PASD1: variants seen among roughly 807,000 people sequenced by gnomAD.
PASD1 encodes the protein PAS domain containing repressor 1, also known as circadian clock protein PASD1.
PASD1 carries 13 observed loss-of-function variants against 58.8 expected under a neutral mutation model. The ratio of observed to expected loss-of-function variants is 0.22; its 90% CI spans 0.14 to 0.35. The LOEUF (loss-of-function observed/expected upper bound fraction) is 0.35, where lower values mean the gene tolerates loss of function less well. Among genes scored for constraint, PASD1 ranks in the 10% least tolerant of loss-of-function variants. The pLI is 1.00. For missense variants in PASD1, 734 were observed against 568.3 expected (o/e 1.29, Z -2.96); for synonymous variants, 236 against 216.7 (o/e 1.09, Z -0.78).
chrX:151,644,914 G>C (rs2014041546), intron 8 of PASD1, among the ~76,000 whole-genome samples: 1 of 110,831 alleles, frequency 9.0e-6, no homozygotes, highest in Non-Finnish European at 1.9e-5. Context: ...AAGAGAGGCT[G>C]TTTCAGGCTT....
chrX:151,649,257 C>A (rs955794695), intron 9 of PASD1, among the ~76,000 whole-genome samples: 2 of 111,757 alleles, frequency 1.8e-5, no homozygotes, highest in African/African-American at 6.5e-5. Flanking sequence ...GCATTTCCCA[C>A]GTTAAAAAGT....
chrX:151,653,336 C>T (rs1368474198), intron 9 of PASD1, among the ~76,000 whole-genome samples: 5 of 109,176 alleles, frequency 4.6e-5, no homozygotes, highest in Admixed American at 9.8e-5. Flanking sequence ...GGATTACAGG[C>T]GCATGCCACC....
At chrX:151,577,501 G>A (rs1031308476) in intron 1 of PASD1, among the ~76,000 whole-genome samples, 7 of 111,835 alleles carry the variant, frequency 6.3e-5, no homozygotes, top group African/African-American at 2.3e-4. Flanking sequence ...CAATTGTTTT[G>A]TAAAAGAAAG....
intron 8 of PASD1, among the ~76,000 whole-genome samples, chrX:151,627,774 T>C (rs1396957044): frequency 8.9e-6 from 1 of 111,892 alleles, no homozygotes; most frequent in African/African-American, 3.3e-5. Context: ...CTTGAGGAAT[T>C]GCCACACTGT....
chrX:151,662,735 A>G (rs893563956), intron 10 of PASD1, among the ~76,000 whole-genome samples: 2 of 112,257 alleles, frequency 1.8e-5, no homozygotes, highest in African/African-American at 6.5e-5. Context: ...TGTATCTCTG[A>G]CAGTGAGAAA....
intron 14 of PASD1, 120 bp from the exon 15 acceptor site, chrX:151,673,808 A>T (rs1290817695): frequency 6.3e-5 from 54 of 853,829 alleles, no homozygotes; most frequent in Non-Finnish European, 8.9e-5. Context: ...AAACAAGTGA[A>T]TCCTGTGGTG....
At chrX:151,603,208 A>G (rs1186816573) in intron 2 of PASD1, among the ~76,000 whole-genome samples, 2 of 112,611 alleles carry the variant, frequency 1.8e-5, no homozygotes, top group Admixed American at 1.9e-4. Context: ...AAAGCAGAAT[A>G]TGACCCATAG....
intron 8 of PASD1, among the ~76,000 whole-genome samples, chrX:151,629,863 G>C (rs2013845148): frequency 8.9e-6 from 1 of 111,868 alleles, no homozygotes; most frequent in South Asian, 3.7e-4. Flanking sequence ...TTCAGATAGT[G>C]AGAGTTTAGA....
At chrX:151,622,603 A>ACACAC (rs766245387) in intron 6 of PASD1, among the ~76,000 whole-genome samples, 159 of 109,827 alleles carry the variant, frequency 1.4e-3, no homozygotes, top group Non-Finnish European at 2.4e-3. Context: ...ACACACACAC[A>ACACAC]CACACACACA....
intron 11 of PASD1, among the ~76,000 whole-genome samples, chrX:151,666,476 T>C (rs1409443391): frequency 9.1e-6 from 1 of 109,302 alleles, no homozygotes; most frequent in African/African-American, 3.4e-5. Flanking sequence ...GTTGGTGTGC[T>C]GCACCTATTA....
chrX:151,601,567 G>A lies in PASD1; in HGVS notation c.14G>A (p.Gly5Glu), dbSNP rs748930680. The A allele has an allele frequency of 8.3e-7, 1 of 1,209,099 alleles. No homozygotes were observed. Among genetic ancestry groups the A allele is most frequent in the African/African-American group, 1.7e-5 (1 of 57,211 alleles). ...ACTGAATAATGAATGAAGATGAGAG[G>A]GGAAAAGAGAAGAGGTATGCATTCA... is the stretch of plus-strand genomic sequence containing the variant. MKMRGEKRRDKVNPK... is the reference protein window; with the variant it reads MKMREEKRRDKVNPK... The change falls in exon 2 of 16, where the codon GGG becomes GAG. Residue 5 changes from glycine to glutamate, a missense_variant. By Grantham distance (98) the Gly-to-Glu change is moderately conservative. Coordinates refer to ENST00000370357, the MANE Select transcript of PASD1 (RefSeq NM_173493.3).
chrX:151,673,351 T>C (rs2014502834), intron 14 of PASD1: 1 of 117,140 alleles, frequency 8.5e-6, no homozygotes, highest in Non-Finnish European at 1.8e-5. Flanking sequence ...GAGACGGGCC[T>C]CCTAAAGCTC....
chrX:151,652,532 C>CA (rs68106404), intron 9 of PASD1, among the ~76,000 whole-genome samples: 8 of 69,154 alleles, frequency 1.2e-4, no homozygotes, highest in Admixed American at 1.6e-4. Flanking sequence ...GACTCCGTCT[C>CA]AAAAAAAAAA....
chrX:151,623,143 C>T, intron 7 of PASD1, 79 bp downstream of exon 7: 1 of 1,087,894 alleles, frequency 9.2e-7, no homozygotes, highest in Non-Finnish European at 1.2e-6. Flanking sequence ...TTTGGTCTGT[C>T]AGCCACTGGA....
At chrX:151,606,152 G>T (rs1019403449) in intron 3 of PASD1, among the ~76,000 whole-genome samples, 1 of 107,160 alleles carries the variant, frequency 9.3e-6, no homozygotes, top group African/African-American at 3.4e-5. Flanking sequence ...CCTCCATTAG[G>T]CTTTAATAAC....
At chrX:151,671,368 A>T (rs762572724) in intron 12 of PASD1, among the ~76,000 whole-genome samples, 172 bp downstream of exon 12, 161 of 112,038 alleles carry the variant, frequency 1.4e-3, no homozygotes, top group African/African-American at 5.0e-3. Flanking sequence ...TCCAGCAGGG[A>T]CTTAGAGTTT....
At chrX:151,639,815 T>G (rs945459064) in intron 8 of PASD1, among the ~76,000 whole-genome samples, 4 of 111,913 alleles carry the variant, frequency 3.6e-5, no homozygotes, top group African/African-American at 1.3e-4. Context: ...CATTTTCTGA[T>G]TTCTAGAATA....
In PASD1 at chrX:151,600,270, G is replaced by GGA. The variant is rs200248021; in HGVS notation, c.-27-1253_-27-1252dup. Among the ~76,000 whole-genome samples the GGA allele has an allele frequency of 5.8e-3, 627 of 108,347 alleles. 3 individuals are homozygous for GGA. The highest frequency in any genetic ancestry group is 0.02 in the African/African-American group (588 of 29,648). 94.1% of individuals were successfully genotyped at this position (108,347 alleles called of 115,157 possible). On this transcript the variant is annotated intron_variant, in intron 1 of 15. Coordinates refer to ENST00000370357, the MANE Select transcript of PASD1 (RefSeq NM_173493.3). ...GAGACCGTGCAAAGAGAGAGACGAGGGAGAGGGAGAGGGAGACCGTGCAAA... is the reference window on the plus strand; with the variant it reads ...GAGACCGTGCAAAGAGAGAGACGAGGGAGAGAGGGAGAGGGAGACCGTGCAAA...
chrX:151,618,184 C>T (rs1158308354), intron 4 of PASD1, among the ~76,000 whole-genome samples: 1 of 111,437 alleles, frequency 9.0e-6, no homozygotes, highest in African/African-American at 3.3e-5. Flanking sequence ...TATTTCTATC[C>T]TTAATCAAGC....
Sources: allele counts gnomAD v4.1 joint callset (sites outside exome capture counted in the v4.1 genomes callset), GRCh38; gene constraint gnomAD v4.1.1; transcripts MANE v1.5; gene names NCBI Gene and HGNC (gene_info 2026-07-23, HGNC 2026-07-21).